Variants in CASK observed in about 807,000 individuals in gnomAD.
CASK encodes calcium/calmodulin dependent serine protein kinase.
In CASK, 4 loss-of-function variants were observed where a neutral mutation model predicts 82.9. The ratio of observed to expected loss-of-function variants is 0.05; its 90% CI spans 0.02 to 0.11. The LOEUF (loss-of-function observed/expected upper bound fraction) is 0.11, where lower values mean the gene tolerates loss of function less well. CASK is among the 10% of genes least tolerant of loss of function. The pLI is 1.00. For synonymous variants in CASK, 259 were observed against 253.5 expected (o/e 1.02, Z -0.20); for missense variants, 358 against 720.9 (o/e 0.50, Z 5.76).
intron 15 of CASK, among the ~76,000 whole-genome samples, chrX:41,573,085 T>C (rs1208465255): frequency 1.9e-5 from 2 of 104,232 alleles, no homozygotes; most frequent in Non-Finnish European, 3.9e-5. Context: ...CTTTTTTTTT[T>C]TTTTTTTGAG....
At chrX:41,559,331 A>C (rs2065196192) in intron 18 of CASK, 1 of 125,976 alleles carries the variant, frequency 7.9e-6, no homozygotes, top group Admixed American at 8.0e-5. Context: ...CCATCTAGAG[A>C]CCTGTCACAA....
chrX:41,811,803 G>A (rs1024208640), intron 2 of CASK, among the ~76,000 whole-genome samples: 2 of 111,520 alleles, frequency 1.8e-5, no homozygotes, highest in African/African-American at 6.5e-5. Context: ...TCCAGGAGCT[G>A]GTTTTTTGAA....
chrX:41,783,076 G>A (rs1179292553), intron 3 of CASK, among the ~76,000 whole-genome samples: 1 of 111,259 alleles, frequency 9.0e-6, no homozygotes, highest in South Asian at 3.8e-4. Context: ...CCCAGGAGGT[G>A]GAGGCTGAAG....
intron 5 of CASK, among the ~76,000 whole-genome samples, chrX:41,735,045 G>A (rs987096635): frequency 9.0e-6 from 1 of 110,654 alleles, no homozygotes; most frequent in Non-Finnish European, 1.9e-5. Flanking sequence ...AAAAAGTAAA[G>A]AAAAAAGTAT....
At position 41,517,869 on chromosome X, in the gene CASK, A is replaced by G. The variant is rs918145987; in HGVS notation, c.*2551T>C. ...TTCAGAAATGTAAGTATATGCAGCT[A>G]GGTCATAAAGACACTGCTTTAGAGA... On this transcript the variant is annotated 3_prime_UTR_variant, in exon 27 of 27. Coordinates refer to ENST00000378163, the MANE Select transcript of CASK (RefSeq NM_001367721.1). The G allele has an allele frequency of 3.2e-5, 19 of 592,117 alleles. No homozygotes were observed. In the African/African-American group the frequency reaches 3.4e-4, roughly 11 times the overall value. 48.8% of individuals were successfully genotyped at this position (592,117 alleles called of 1,213,427 possible). A position where few individuals can be genotyped will look rare whatever the true frequency, so the allele number is the denominator to read the frequency against.
At chrX:41,574,948 T>C (rs2065465456) in intron 15 of CASK, among the ~76,000 whole-genome samples, 1 of 112,429 alleles carries the variant, frequency 8.9e-6, no homozygotes, top group Non-Finnish European at 1.9e-5. Flanking sequence ...GAAAAACTGG[T>C]TTATCAAAAT....
intron 2 of CASK, among the ~76,000 whole-genome samples, chrX:41,824,194 G>T (rs1440528603): frequency 9.0e-6 from 1 of 110,775 alleles, no homozygotes; most frequent in Non-Finnish European, 1.9e-5. Flanking sequence ...AAAGGAGGGG[G>T]AAAAAAAAGC....
intron 6 of CASK, among the ~76,000 whole-genome samples, chrX:41,667,677 G>T (rs1161356189): frequency 9.0e-6 from 1 of 110,873 alleles, no homozygotes; most frequent in Non-Finnish European, 1.9e-5. Context: ...CTTCTGCCTT[G>T]GCCTCTCAAG....
At chrX:41,680,278 T>C (rs2067329104) in intron 5 of CASK, among the ~76,000 whole-genome samples, 1 of 108,474 alleles carries the variant, frequency 9.2e-6, no homozygotes, top group Non-Finnish European at 1.9e-5. Context: ...GGTCAAGAGA[T>C]TGAGACCATC....
intron 18 of CASK, among the ~76,000 whole-genome samples, chrX:41,557,766 C>T (rs2065176820): frequency 9.0e-6 from 1 of 111,538 alleles, no homozygotes; most frequent in African/African-American, 3.3e-5. Flanking sequence ...TATATCCAGG[C>T]TCCTCTATCG....
chrX:41,579,252 A>G (rs1018140559), intron 14 of CASK, among the ~76,000 whole-genome samples: 1 of 112,433 alleles, frequency 8.9e-6, no homozygotes, highest in Non-Finnish European at 1.9e-5. Context: ...ACACAGATGT[A>G]CCTTAAAAAC....
chrX:41,727,996 T>C, intron 5 of CASK: 2 of 1,147,492 alleles, frequency 1.7e-6, no homozygotes, highest in Non-Finnish European at 2.4e-6. Flanking sequence ...ATATAATCTC[T>C]TTACAAAGTC....
At chrX:41,783,454 G>T (rs1482031039) in intron 3 of CASK, among the ~76,000 whole-genome samples, 1 of 107,396 alleles carries the variant, frequency 9.3e-6, no homozygotes, top group African/African-American at 3.4e-5. Context: ...GAGGCTGAGG[G>T]AGGAGAATCG....
At chrX:41,732,357 G>T (rs1400918065) in intron 5 of CASK, among the ~76,000 whole-genome samples, 2 of 111,377 alleles carry the variant, frequency 1.8e-5, no homozygotes, top group African/African-American at 6.5e-5. Flanking sequence ...TCTACTCCCT[G>T]GATAGAAGAG....
At chrX:41,823,554 G>C (rs1459560198) in intron 2 of CASK, among the ~76,000 whole-genome samples, 1 of 110,379 alleles carries the variant, frequency 9.1e-6, no homozygotes, top group Non-Finnish European at 1.9e-5. Context: ...TTTGTCCCCA[G>C]TGCAATACCG....
chrX:41,882,697 A>G (rs1401312770), intron 1 of CASK, among the ~76,000 whole-genome samples: 1 of 111,469 alleles, frequency 9.0e-6, no homozygotes, highest in African/African-American at 3.3e-5. Context: ...GACCCTGGGT[A>G]AACTGCATCA....
At chrX:41,861,282 A>C (rs1409002849) in intron 1 of CASK, among the ~76,000 whole-genome samples, 3 of 111,250 alleles carry the variant, frequency 2.7e-5, no homozygotes, top group Non-Finnish European at 5.7e-5. Context: ...GTGTGTGAGA[A>C]GGGCTGGGGT....
rs1291001062 is a variant in CASK, at chrX:41,714,584, C to A, written c.429+24800G>T. On this transcript the variant is annotated intron_variant, in intron 5 of 26. Coordinates refer to ENST00000378163, the MANE Select transcript of CASK (RefSeq NM_001367721.1). ...AATAGAAGCTGGAATATCATAGGGA[C>A]AAATTCTCCATTTGCTACCCCTTTG... is the stretch of plus-strand genomic sequence containing the variant. Among the ~76,000 whole-genome samples, 4 of 111,564 alleles carry A rather than the reference C, an allele frequency of 3.6e-5. No homozygotes were observed. In the Admixed American group the frequency reaches 3.8e-4, roughly 11 times the overall value.
rs1021973619 is a variant in CASK, at chrX:41,587,065, A to C, written c.1234-78T>G. The C allele has an allele frequency of 5.0e-6, 3 of 604,157 alleles. No individual in the cohort carries two copies. The African/African-American group carries it at 6.8e-5, about 14-fold the overall frequency. The allele number at this position is 604,157 out of a possible 1,213,427, so 49.8% of individuals were successfully genotyped here. ...AATGTTAAATTCTTTTAAGTTAAAA[A>C]TTATGAGTGGATTTTTATGGCAGGC... is the stretch of plus-strand genomic sequence containing the variant. On this transcript the variant is annotated intron_variant, in intron 13 of 26. Coordinates refer to ENST00000378163, the MANE Select transcript of CASK (RefSeq NM_001367721.1).
Sources: gnomAD v4.1 joint callset for allele counts (sites outside exome capture counted in the v4.1 genomes callset) on GRCh38, gnomAD v4.1.1 for gene constraint, MANE v1.5 for transcripts, NCBI Gene and HGNC (gene_info 2026-07-23, HGNC 2026-07-21) for gene names.